The following TBC1D5 variants were observed in gnomAD, a reference collection of about 807,000 sequenced individuals.
TBC1D5 encodes the protein TBC1 domain family member 5.
Under a neutral mutation model 100.3 loss-of-function variants are expected in TBC1D5, and 75 were observed. That is an observed-to-expected ratio of 0.75 (90% CI 0.62 to 0.91). The LOEUF (loss-of-function observed/expected upper bound fraction) is 0.91. Ranked by LOEUF, TBC1D5 falls within the 40% of genes least tolerant of loss-of-function variation. TBC1D5 has a pLI of 0.00. For missense variants in TBC1D5, 910 were observed against 942.4 expected (o/e 0.97, Z 0.45); for synonymous variants, 323 against 325.6 (o/e 0.99, Z 0.09).
At chr3:17,376,473 T>C in intron 10 of TBC1D5, 52 bp downstream of exon 10, 1 of 1,508,460 alleles carries the variant, frequency 6.6e-7, no homozygotes, top group Non-Finnish European at 9.0e-7. Flanking sequence ...AAAACAAAGG[T>C]TACCGTGGGG....
chr3:17,340,131 G>A (rs937452390), intron 13 of TBC1D5, among the ~76,000 whole-genome samples: 6 of 152,058 alleles, frequency 3.9e-5, no homozygotes, highest in African/African-American at 1.4e-4. Flanking sequence ...TGGAAGTGAC[G>A]GGTACTGGGG....
At chr3:17,362,637 A>G (rs1264367623) in intron 13 of TBC1D5, among the ~76,000 whole-genome samples, 1 of 152,006 alleles carries the variant, frequency 6.6e-6, no homozygotes, top group Admixed American at 6.6e-5. Flanking sequence ...TCACATGACT[A>G]AGTTTTGTAT....
intron 13 of TBC1D5, among the ~76,000 whole-genome samples, chr3:17,309,934 T>C (rs2083820613): frequency 6.6e-6 from 1 of 152,088 alleles, no homozygotes; most frequent in Non-Finnish European, 1.5e-5. Flanking sequence ...GACACAACTT[T>C]CCTCCATCAA....
At chr3:17,403,156 G>A in intron 8 of TBC1D5, 25 bp downstream of exon 8, 2 of 1,535,090 alleles carry the variant, frequency 1.3e-6, no homozygotes, top group Admixed American at 2.0e-5. Flanking sequence ...ATTATTGAAA[G>A]TAACATGTAA....
chr3:17,395,241 T>G (rs1340753766), intron 8 of TBC1D5, among the ~76,000 whole-genome samples: 1 of 151,944 alleles, frequency 6.6e-6, no homozygotes, highest in Non-Finnish European at 1.5e-5. Context: ...AACAAGCCCT[T>G]TACCCCACTC....
chr3:17,445,241 A>G (rs1486485604), intron 3 of TBC1D5, among the ~76,000 whole-genome samples: 1 of 152,184 alleles, frequency 6.6e-6, no homozygotes, highest in Non-Finnish European at 1.5e-5. Flanking sequence ...AGTCAATTAC[A>G]ATGGCTAAAT....
At chr3:17,324,515 G>T (rs1163336388) in intron 13 of TBC1D5, among the ~76,000 whole-genome samples, 3 of 151,994 alleles carry the variant, frequency 2.0e-5, no homozygotes, top group Non-Finnish European at 4.4e-5. Context: ...GTAGTGGTGG[G>T]CATCTGTAAT....
intron 14 of TBC1D5, among the ~76,000 whole-genome samples, chr3:17,293,857 T>C (rs1473658081): frequency 1.3e-5 from 2 of 152,226 alleles, no homozygotes; most frequent in African/African-American, 4.8e-5. Context: ...GCTAAGAACT[T>C]TACCTACATT....
intron 13 of TBC1D5, among the ~76,000 whole-genome samples, chr3:17,346,333 T>G (rs898209482): frequency 2.6e-5 from 4 of 152,156 alleles, no homozygotes; most frequent in African/African-American, 4.8e-5. Flanking sequence ...TTGCTTTAAT[T>G]AGCATGGTTT....
intron 1 of TBC1D5, among the ~76,000 whole-genome samples, chr3:17,710,189 A>G (rs995528976): frequency 6.6e-6 from 1 of 152,198 alleles, no homozygotes; most frequent in African/African-American, 2.4e-5. Flanking sequence ...TCAGTCGAGA[A>G]ACAGTACAGA....
Position 17,178,942 on chromosome 3 carries a change from G to C in TBC1D5, c.1852+6167C>G, listed in dbSNP as rs183589510. On this transcript the variant is annotated intron_variant, in intron 19 of 21. Coordinates refer to ENST00000253692, the Ensembl canonical transcript of TBC1D5. ...TTATAGGCATGGCCATGCTGGTCAG[G>C]GTTCCCTTTTTGGAGACGTCATCTT... 1.6e-4 allele frequency among the ~76,000 whole-genome samples: 24 copies of C among 152,160 alleles called. No individual in the cohort carries two copies. The East Asian group carries it at 3.5e-3, about 22-fold the overall frequency.
chr3:17,732,599 C>A (rs957462005), intron 1 of TBC1D5, among the ~76,000 whole-genome samples: 8 of 151,368 alleles, frequency 5.3e-5, no homozygotes, highest in Non-Finnish European at 7.4e-5. Context: ...ATTTGCCAGG[C>A]CTGGTAGCAT....
chr3:17,450,997 T>C (rs188694323), intron 3 of TBC1D5, among the ~76,000 whole-genome samples: 11 of 152,242 alleles, frequency 7.2e-5, no homozygotes, highest in African/African-American at 2.6e-4. Flanking sequence ...AAGGTCAGAT[T>C]GCTCACAAAG....
chr3:17,474,188 C>G (rs1185866233), intron 3 of TBC1D5, among the ~76,000 whole-genome samples: 1 of 152,118 alleles, frequency 6.6e-6, no homozygotes, highest in African/African-American at 2.4e-5. Flanking sequence ...AAAACTGATA[C>G]TTTTATATAA....
At chr3:17,619,832 T>C (rs1295129591) in intron 2 of TBC1D5, among the ~76,000 whole-genome samples, 1 of 152,206 alleles carries the variant, frequency 6.6e-6, no homozygotes, top group Non-Finnish European at 1.5e-5. Flanking sequence ...AAATGCCTAA[T>C]ATCCCTACAA....
At chr3:17,340,787 G>C (rs1170702728) in intron 13 of TBC1D5, 1 of 152,210 alleles carries the variant, frequency 6.6e-6, no homozygotes, top group African/African-American at 2.4e-5. Flanking sequence ...TTCCTTGCAG[G>C]GATCTAAAGA....
intron 3 of TBC1D5, among the ~76,000 whole-genome samples, chr3:17,451,908 G>C (rs1024728416): frequency 6.6e-6 from 1 of 151,932 alleles, no homozygotes; most frequent in African/African-American, 2.4e-5. Flanking sequence ...GGGCAACAAA[G>C]CGAGACTCCG....
chr3:17,177,866 C>T (rs950412538), intron 19 of TBC1D5, among the ~76,000 whole-genome samples: 4 of 152,042 alleles, frequency 2.6e-5, no homozygotes, highest in Non-Finnish European at 2.9e-5. Flanking sequence ...TCTCCATCAC[C>T]TCAAGCATTT....
chr3:17,305,336 G>A (rs2083294559), intron 14 of TBC1D5, among the ~76,000 whole-genome samples: 1 of 152,034 alleles, frequency 6.6e-6, no homozygotes, highest in Non-Finnish European at 1.5e-5. Context: ...CTTTCCATAT[G>A]TACCCACCTT....
Sources: gnomAD v4.1 joint callset for allele counts (sites outside exome capture counted in the v4.1 genomes callset) on GRCh38, gnomAD v4.1.1 for gene constraint, MANE v1.5 for transcripts, NCBI Gene and HGNC (gene_info 2026-07-23, HGNC 2026-07-21) for gene names.